The following CLIP1 variants were observed in gnomAD, a reference collection of about 807,000 sequenced individuals.
The protein encoded by CLIP1 is CAP-Gly domain-containing linker protein 1.
A neutral mutation model predicts 161.6 loss-of-function variants in CLIP1; 66 were observed. The ratio of observed to expected loss-of-function variants is 0.41; its 90% CI spans 0.33 to 0.50. The LOEUF (loss-of-function observed/expected upper bound fraction) is 0.50. Among genes scored for constraint, CLIP1 ranks in the 20% least tolerant of loss-of-function variants. The pLI is 0.27. For synonymous variants in CLIP1, 598 were observed against 626.2 expected (o/e 0.96, Z 0.67); for missense variants, 1,376 against 1,702.0 (o/e 0.81, Z 3.37).
chr12:122,332,903 C>T (rs1193022415), intron 15 of CLIP1, 84 bp downstream of exon 15: 11 of 1,101,330 alleles, frequency 1.0e-5, no homozygotes, highest in African/African-American at 1.6e-5. Flanking sequence ...CGTAACAATC[C>T]TAAACATTTT....
At position 122,351,119 on chromosome 12, in the gene CLIP1, G is replaced by A. The variant is rs776669313; in HGVS notation, c.1393C>T (p.Pro465Ser). The change falls in exon 9 of 26, where the codon CCT becomes TCT. Residue 465 changes from proline to serine, a missense_variant. Physicochemically the swap from Pro to Ser is moderately conservative, Grantham distance 74. Transcript: ENST00000620786. ...GTTAAGTGCCCTCTTACATTCTCAG[G>A]ATCTTCAGAAATCTGGCTCTTTTGC... ...LEQKSQISED[P>S]ENTQTKLEHA... 18 of 1,524,042 alleles carry A rather than the reference G, an allele frequency of 1.2e-5. No individual in the cohort carries two copies. Among genetic ancestry groups the A allele is most frequent in the Middle Eastern group, 1.7e-4 (1 of 5,838 alleles). 94.4% of individuals were successfully genotyped at this position (1,524,042 alleles called of 1,614,324 possible). A position where few individuals can be genotyped will look rare whatever the true frequency, so the allele number is the denominator to read the frequency against.
chr12:122,380,317 C>A, intron 2 of CLIP1, 51 bp downstream of exon 2: 20 of 1,099,414 alleles, frequency 1.8e-5, no homozygotes, highest in South Asian at 7.8e-5. Context: ...AATTAAAAAG[C>A]AAATTGAAGT....
chr12:122,422,883 C>G (rs1593290746), upstream of CLIP1, among the ~76,000 whole-genome samples: 1 of 151,978 alleles, frequency 6.6e-6, no homozygotes, highest in African/African-American at 2.4e-5. Flanking sequence ...CTCCCGAGCC[C>G]CGGCTTGGGG....
intron 8 of CLIP1, among the ~76,000 whole-genome samples, chr12:122,351,428 TGG>T (rs1224649566): frequency 6.6e-6 from 1 of 152,230 alleles, no homozygotes. Context: ...TAAAGGAATG[TGG>T]CTGTATATGA....
At chr12:122,388,049 G>C (rs1234174232) in intron 1 of CLIP1, among the ~76,000 whole-genome samples, 1 of 152,132 alleles carries the variant, frequency 6.6e-6, no homozygotes, top group Non-Finnish European at 1.5e-5. Flanking sequence ...GTTCAAACTT[G>C]TGTTATTCAA....
chr12:122,327,426 A>T (rs964905139), intron 17 of CLIP1, among the ~76,000 whole-genome samples: 1 of 152,152 alleles, frequency 6.6e-6, no homozygotes, highest in Non-Finnish European at 1.5e-5. Flanking sequence ...ATAAGCTCAC[A>T]GTACCTTCCT....
At chr12:122,318,506 C>G (rs1042569813) in intron 18 of CLIP1, among the ~76,000 whole-genome samples, 1 of 152,124 alleles carries the variant, frequency 6.6e-6, no homozygotes, top group Non-Finnish European at 1.5e-5. Context: ...GCACAACAGC[C>G]TGGGCAACAA....
chr12:122,395,022 G>C (rs1434780999), intron 1 of CLIP1, among the ~76,000 whole-genome samples: 1 of 152,186 alleles, frequency 6.6e-6, no homozygotes, highest in African/African-American at 2.4e-5. Flanking sequence ...CTTCTCGATT[G>C]TGATGCATCT....
At position 122,377,591 on chromosome 12, in the gene CLIP1, G is replaced by A. The variant is rs1409246321; in HGVS notation, c.455C>T (p.Ser152Phe). 10 of 1,613,826 alleles carry A rather than the reference G, an allele frequency of 6.2e-6. No individual in the cohort carries two copies. Among genetic ancestry groups the A allele is most frequent in the Non-Finnish European group, 1.7e-6 (2 of 1,180,006 alleles). ...GGAGGAAGACACCATGCTGGCCGTA[G>A]AAGTGCACAGCGGTGAAGTAGCTCG... is the stretch of plus-strand genomic sequence containing the variant. ...ASRATSPLCTSTASMVSSSPS... is the reference protein window; with the variant it reads ...ASRATSPLCTFTASMVSSSPS... Residue 152 changes from serine to phenylalanine, a missense_variant, in exon 3 of 26, where the codon TCT becomes TTT. By Grantham distance (155) the Ser-to-Phe change is radical. This residue lies in a region of CLIP1 where 119 missense variants were observed against 112.0 expected (regional missense o/e 1.06). Transcript: ENST00000620786.
intron 3 of CLIP1, among the ~76,000 whole-genome samples, chr12:122,369,670 G>A (rs1458848861): frequency 6.6e-6 from 1 of 151,746 alleles, no homozygotes; most frequent in African/African-American, 2.4e-5. Context: ...TTCAACTGGT[G>A]AAGAGGGCTA....
Position 122,377,910 on chromosome 12 carries a change from G to A in CLIP1, c.136C>T (p.Pro46Ser). The A allele has an allele frequency of 6.2e-7, 1 of 1,613,824 alleles. No individual in the cohort carries two copies. The highest frequency in any genetic ancestry group is 8.5e-7 in the Non-Finnish European group (1 of 1,179,966). Reference sequence around the variant, plus strand: ...AATTCCTCCTGAGTCTCAGATGATGGAGTGCTTGATGCTTTTTCACTGGAT... The same window carrying A: ...AATTCCTCCTGAGTCTCAGATGATGAAGTGCTTGATGCTTTTTCACTGGAT... Reference protein sequence around the residue: ...TISSEKASSTPSSETQEEFVD... With the variant: ...TISSEKASSTSSSETQEEFVD... The change falls in exon 3 of 26, where the codon CCA becomes TCA. Residue 46 changes from proline (P) to serine (S), a missense_variant. By Grantham distance (74) the Pro-to-Ser change is moderately conservative. Transcript: ENST00000620786.
chr12:122,301,799 G>T (rs1950690761), intron 20 of CLIP1, among the ~76,000 whole-genome samples: 1 of 152,154 alleles, frequency 6.6e-6, no homozygotes, highest in Non-Finnish European at 1.5e-5. Flanking sequence ...TTTTGCTAAG[G>T]CCTTTATTTT....
intron 1 of CLIP1, among the ~76,000 whole-genome samples, chr12:122,413,250 CTT>C (rs1413321139): frequency 6.6e-6 from 1 of 152,172 alleles, no homozygotes; most frequent in Non-Finnish European, 1.5e-5. Flanking sequence ...CCTACTGACT[CTT>C]ATCTTTCCTG....
intron 20 of CLIP1, among the ~76,000 whole-genome samples, chr12:122,303,880 C>T (rs576897648): frequency 2.0e-5 from 3 of 152,284 alleles, no homozygotes; most frequent in South Asian, 4.1e-4. Context: ...GAAAGCTCTG[C>T]GATGCTTGAG....
chr12:122,384,477 G>A (rs902177088), intron 1 of CLIP1, among the ~76,000 whole-genome samples: 39 of 152,184 alleles, frequency 2.6e-4, no homozygotes, highest in African/African-American at 8.7e-4. Flanking sequence ...GGTGGCACTC[G>A]AAGGCCGGGC....
At chr12:122,367,135 A>C (rs1954213079) in intron 3 of CLIP1, among the ~76,000 whole-genome samples, 2 of 152,208 alleles carry the variant, frequency 1.3e-5, no homozygotes, top group South Asian at 2.1e-4. Context: ...TTGCTTTTCC[A>C]AGAGGCATCT....
chr12:122,388,233 T>C (rs1220161954), intron 1 of CLIP1, among the ~76,000 whole-genome samples: 1 of 151,986 alleles, frequency 6.6e-6, no homozygotes, highest in Non-Finnish European at 1.5e-5. Flanking sequence ...TTTTTTTTTT[T>C]TTTTGAGATG....
intron 1 of CLIP1, chr12:122,395,465 T>G (rs1379206211): frequency 1.3e-5 from 2 of 152,224 alleles, no homozygotes; most frequent in African/African-American, 4.8e-5. Context: ...TTGAACAGCC[T>G]GGCTATGAGG....
chr12:122,375,739 G>GA (rs566808806), intron 3 of CLIP1, among the ~76,000 whole-genome samples: 14 of 148,942 alleles, frequency 9.4e-5, no homozygotes, highest in Admixed American at 3.3e-4. Flanking sequence ...ATCAGAAGGG[G>GA]AAAAAAAATC....
Sources: allele counts gnomAD v4.1 joint callset (sites outside exome capture counted in the v4.1 genomes callset), GRCh38; gene constraint gnomAD v4.1.1; regional missense constraint gnomAD v4.1.1; transcripts MANE v1.5; gene names NCBI Gene and HGNC (gene_info 2026-07-23, HGNC 2026-07-21).